Variants in ZFHX3 observed in about 807,000 individuals in gnomAD.
ZFHX3 encodes the protein zinc finger homeobox protein 3.
ZFHX3 carries 42 observed loss-of-function variants against 279.1 expected under a neutral mutation model. The ratio of observed to expected loss-of-function variants is 0.15; its 90% confidence interval spans 0.12 to 0.19. ZFHX3 has a LOEUF of 0.19. Ranked by LOEUF, ZFHX3 falls within the 10% of genes least tolerant of loss-of-function variation. ZFHX3 has a pLI of 1.00. For synonymous variants in ZFHX3, 2,293 were observed against 1,957.8 expected, an observed-to-expected ratio of 1.17 and a Z score of -4.52; for missense variants, 4,981 against 4,754.0, an observed-to-expected ratio of 1.05 and a Z score of -1.40.
At chr16:73,422,261 A>C (rs2017732577) in intron 3 of ZFHX3, among the ~76,000 whole-genome samples, 2 of 151,372 alleles carry the variant, frequency 1.3e-5, no homozygotes, top group African/African-American at 2.4e-5. Context: ...TCAACCCTTG[A>C]ATGGGGTCAT....
chr16:73,401,180 G>T (rs377415578), intron 3 of ZFHX3: 5 of 152,098 alleles, frequency 3.3e-5, no homozygotes, highest in Middle Eastern at 6.8e-3. Flanking sequence ...TCATCTGTAC[G>T]CAGGCAGGGC....
In ZFHX3 at chr16:73,464,362, G is replaced by C. The variant is rs573977396; in HGVS notation, c.-1546-8104C>G. 3.7e-4 allele frequency among the ~76,000 whole-genome samples: 57 copies of C among 152,108 alleles called. 1 individual carries two copies. In the South Asian group the frequency reaches 4.2e-3, roughly 11 times the overall value. ...CGGCTCTTCTGGAGGGAAGATGGGG[G>C]AGGGGGTTATTTCAGCTTAAAAGGA... On this transcript the variant is annotated intron_variant, in intron 2 of 17. Coordinates refer to the ZFHX3 transcript ENST00000641206.
At chr16:73,039,475 G>A (rs1008012473) in intron 1 of ZFHX3, among the ~76,000 whole-genome samples, 2 of 152,148 alleles carry the variant, frequency 1.3e-5, no homozygotes, top group Non-Finnish European at 2.9e-5. Context: ...AGGCGATTTT[G>A]CCTCCCCAAG....
At chr16:72,791,496 A>G (rs1009691919) in intron 9 of ZFHX3, 5 of 152,182 alleles carry the variant, frequency 3.3e-5, no homozygotes, top group African/African-American at 1.2e-4. Flanking sequence ...AGCACATAGC[A>G]CCTGGGAGCC....
intron 5 of ZFHX3, among the ~76,000 whole-genome samples, chr16:73,215,903 G>C (rs761862399): frequency 6.6e-6 from 1 of 152,096 alleles, no homozygotes; most frequent in Non-Finnish European, 1.5e-5. Context: ...GTGTGTATGT[G>C]TATGCTGGGT....
At chr16:73,609,583 A>T (rs1217920027) in intron 2 of ZFHX3, 1 of 152,044 alleles carries the variant, frequency 6.6e-6, no homozygotes, top group Admixed American at 6.6e-5. Context: ...CAGACTGTGG[A>T]TTTTACCCTC....
chr16:73,045,190 G>A (rs61164185), intron 1 of ZFHX3, among the ~76,000 whole-genome samples: 33,688 of 152,096 alleles, frequency 0.22, 3,997 homozygotes, highest in East Asian at 0.46. Flanking sequence ...TGCACACAGT[G>A]ACAATAAGGA....
intron 2 of ZFHX3, among the ~76,000 whole-genome samples, chr16:73,638,773 G>C (rs1015609408): frequency 6.6e-6 from 1 of 152,064 alleles, no homozygotes; most frequent in East Asian, 1.9e-4. Flanking sequence ...AAATATAAAA[G>C]GTATTCAACA....
At chr16:73,442,906 C>G (rs568073559) in intron 3 of ZFHX3, among the ~76,000 whole-genome samples, 1 of 152,166 alleles carries the variant, frequency 6.6e-6, no homozygotes, top group Non-Finnish European at 1.5e-5. Context: ...CCACCTAACC[C>G]GGCTAATTTT....
chr16:73,757,171 T>C (rs955424232), intron 1 of ZFHX3, among the ~76,000 whole-genome samples: 8 of 151,216 alleles, frequency 5.3e-5, no homozygotes, highest in African/African-American at 1.7e-4. Flanking sequence ...ATGGCTGGGG[T>C]GGAAAGGGAG....
intron 3 of ZFHX3, among the ~76,000 whole-genome samples, chr16:73,403,090 G>A (rs2017290162): frequency 6.6e-6 from 1 of 152,190 alleles, no homozygotes; most frequent in Non-Finnish European, 1.5e-5. Flanking sequence ...GTGTGTGCAC[G>A]TGTGGGCGCA....
intron 1 of ZFHX3, among the ~76,000 whole-genome samples, chr16:73,868,242 G>A (rs1962078700): frequency 1.3e-5 from 2 of 152,232 alleles, no homozygotes; most frequent in African/African-American, 4.8e-5. Context: ...CAACAATGCG[G>A]CCAAGTGGGG....
At chr16:73,682,991 A>AAAGAAAGAAAGAAAG (rs1555532226) in intron 1 of ZFHX3, among the ~76,000 whole-genome samples, 435 of 42,412 alleles carry the variant, frequency 0.01, 44 homozygotes, top group African/African-American at 0.031. Flanking sequence ...AGAAAGAAAG[A>AAAGAAAGAAAGAAAG]AAAGAAAGAA....
chr16:73,817,689 G>A (rs558673583), intron 1 of ZFHX3, among the ~76,000 whole-genome samples: 1 of 152,332 alleles, frequency 6.6e-6, no homozygotes, highest in East Asian at 1.9e-4. Context: ...CCTCCCTGGA[G>A]ACGAGCAGCA....
At chr16:73,260,382 A>G (rs2013785913) in intron 4 of ZFHX3, among the ~76,000 whole-genome samples, 1 of 152,098 alleles carries the variant, frequency 6.6e-6, no homozygotes, top group South Asian at 2.1e-4. Context: ...TCCTGTTTAT[A>G]TCAGCATGGA....
At chr16:73,441,641 G>T (rs2018095137) in intron 3 of ZFHX3, among the ~76,000 whole-genome samples, 1 of 152,182 alleles carries the variant, frequency 6.6e-6, no homozygotes, top group Admixed American at 6.5e-5. Context: ...TCAGAGGAGA[G>T]AGAAATCAGC....
chr16:73,123,674 C>A (rs1045118624), intron 7 of ZFHX3: 1 of 152,040 alleles, frequency 6.6e-6, no homozygotes. Flanking sequence ...AAATATGGTG[C>A]TATGGTCTCA....
intron 1 of ZFHX3, among the ~76,000 whole-genome samples, chr16:72,985,653 A>G (rs990261786): frequency 7.2e-5 from 11 of 152,166 alleles, no homozygotes; most frequent in Non-Finnish European, 1.5e-4. Flanking sequence ...GACGCCTTTA[A>G]AAAGTTGTAC....
rs2143375843 is a variant in ZFHX3, at chr16:72,793,357, G to A, written c.9325C>T (p.Leu3109Phe). Residue 3109 changes from leucine (L) to phenylalanine (F), a missense_variant, in exon 9 of 10, where the codon CTT becomes TTT. Physicochemically the swap from Leu to Phe is conservative, Grantham distance 22. This residue lies in a region of ZFHX3 where 1,034 missense variants were observed against 786.0 expected (regional missense o/e 1.32). Transcript: ENST00000268489. The surrounding 1 kb of genome is among the most constrained non-coding windows in gnomAD (Gnocchi z 4.3). ...GMFDNTPLQA[L>F]NLPTAYPALQ... is the part of the protein sequence containing the mutation. ...GCTGGATATGCTGTAGGAAGGTTAAGGGCCTGAAGAGGGGTGTTGTCAAAC... is the reference window on the plus strand; with the variant it reads ...GCTGGATATGCTGTAGGAAGGTTAAAGGCCTGAAGAGGGGTGTTGTCAAAC... The A allele has an allele frequency of 6.2e-7, 1 of 1,614,234 alleles. No individual in the cohort carries two copies. Among genetic ancestry groups the A allele is most frequent in the East Asian group, 2.2e-5 (1 of 44,882 alleles).
Sources: gnomAD v4.1 joint callset for allele counts (sites outside exome capture counted in the v4.1 genomes callset) on GRCh38, gnomAD v4.1.1 for gene constraint, gnomAD v4.1.1 regional missense constraint, Gnocchi (gnomAD v3.1) non-coding constraint, MANE v1.5 for transcripts, NCBI Gene and HGNC (gene_info 2026-07-23, HGNC 2026-07-21) for gene names.